The following JADE2 variants were observed in gnomAD, a reference collection of about 807,000 sequenced individuals.
JADE2 encodes E3 ubiquitin-protein ligase Jade-2.
JADE2 carries 13 observed loss-of-function variants against 85.7 expected under a neutral mutation model. That is an observed-to-expected ratio of 0.15 (90% CI 0.10 to 0.24). The LOEUF (loss-of-function observed/expected upper bound fraction) is 0.24. Ranked by LOEUF, JADE2 falls within the 10% of genes least tolerant of loss-of-function variation. JADE2 has a pLI of 1.00. For missense variants in JADE2, 846 were observed against 1,115.9 expected, an observed-to-expected ratio of 0.76 and a Z score of 3.45; for synonymous variants, 440 against 456.1, an observed-to-expected ratio of 0.96 and a Z score of 0.45.
At chr5:134,541,719 A>G (rs1001912375) in intron 3 of JADE2, among the ~76,000 whole-genome samples, 2 of 151,892 alleles carry the variant, frequency 1.3e-5, no homozygotes, top group African/African-American at 4.8e-5. Flanking sequence ...GGGGTGGGGG[A>G]CACAGTGAAT....
At chr5:134,536,056 T>A in intron 2 of JADE2, 141 bp downstream of exon 2, 1 of 732,040 alleles carries the variant, frequency 1.4e-6, no homozygotes, top group Non-Finnish European at 2.3e-6. Context: ...AAGTCAGGTT[T>A]CTCCACTCCT....
At chr5:134,548,498 C>T (rs1366315348) in intron 3 of JADE2, among the ~76,000 whole-genome samples, 4 of 152,216 alleles carry the variant, frequency 2.6e-5, no homozygotes, top group Non-Finnish European at 4.4e-5. Context: ...TCTCTGCAAG[C>T]ATGGGCTGAC....
At chr5:134,544,567 G>A (rs552788340) in intron 3 of JADE2, 2 of 166,610 alleles carry the variant, frequency 1.2e-5, no homozygotes, top group South Asian at 2.1e-4. Flanking sequence ...GGGGAGTGTC[G>A]GGTAAAGCAG....
chr5:134,548,965 A>G (rs1762450562), intron 3 of JADE2, among the ~76,000 whole-genome samples: 1 of 152,194 alleles, frequency 6.6e-6, no homozygotes. Context: ...GCCAGGAGCC[A>G]GCTAGGGGCC....
chr5:134,569,256 A>G (rs1046380522), intron 9 of JADE2, among the ~76,000 whole-genome samples: 2 of 152,134 alleles, frequency 1.3e-5, no homozygotes, highest in Non-Finnish European at 2.9e-5. Context: ...GGTGGGCTCC[A>G]CAGAGGACCA....
At chr5:134,548,483 C>T (rs1222284070) in intron 3 of JADE2, among the ~76,000 whole-genome samples, 4 of 152,210 alleles carry the variant, frequency 2.6e-5, no homozygotes, top group Non-Finnish European at 5.9e-5. Flanking sequence ...TCACTCTGCA[C>T]ACAGTCTCTG....
chr5:134,543,039 CTTT>C (rs60959964), intron 3 of JADE2, among the ~76,000 whole-genome samples: 3 of 141,216 alleles, frequency 2.1e-5, no homozygotes, highest in African/African-American at 7.8e-5. Context: ...TACCTGTACT[CTTT>C]TTTTTTTTTT....
chr5:134,534,297 C>T (rs1761446580), intron 1 of JADE2, among the ~76,000 whole-genome samples: 1 of 152,034 alleles, frequency 6.6e-6, no homozygotes, highest in South Asian at 2.1e-4. Flanking sequence ...CTGTGGAACC[C>T]CCTCCCGCTA....
At chr5:134,546,699 C>T (rs1178079800) in intron 3 of JADE2, among the ~76,000 whole-genome samples, 1 of 148,278 alleles carries the variant, frequency 6.7e-6, no homozygotes. Context: ...ACCTGGGAGG[C>T]GGAGGTTGCA....
chr5:134,560,119 A>G (rs1763237567), intron 5 of JADE2, 129 bp downstream of exon 5: 6 of 1,030,646 alleles, frequency 5.8e-6, no homozygotes, highest in Non-Finnish European at 8.6e-6. Context: ...TCCATACTGC[A>G]TTACTGAATG....
chr5:134,532,179 C>T (rs1054991381), intron 1 of JADE2, among the ~76,000 whole-genome samples: 2 of 151,936 alleles, frequency 1.3e-5, no homozygotes, highest in African/African-American at 2.4e-5. Context: ...GTCACCGCAC[C>T]CCGACTGATT....
chr5:134,526,171 G>T (rs1760798208), intron 1 of JADE2, 160 bp downstream of exon 1: 1 of 985,432 alleles, frequency 1.0e-6, no homozygotes, highest in African/African-American at 1.7e-5. Context: ...CCAGCGCGGA[G>T]AGGGGGGGGA....
intron 3 of JADE2, among the ~76,000 whole-genome samples, chr5:134,542,883 C>T (rs1220051094): frequency 6.6e-6 from 1 of 152,026 alleles, no homozygotes; most frequent in African/African-American, 2.4e-5. Context: ...CCGGCACTTG[C>T]CACCATGCCG....
intron 11 of JADE2, among the ~76,000 whole-genome samples, chr5:134,577,348 CTG>C (rs1764440355): frequency 6.6e-6 from 1 of 152,226 alleles, no homozygotes; most frequent in African/African-American, 2.4e-5. Context: ...GCTGCAGGCT[CTG>C]GCCCTGCCCA....
At position 134,564,478 on chromosome 5, in the gene JADE2, C is replaced by T. The variant is rs749036785; in HGVS notation, c.853-16C>T. On this transcript the variant is annotated splice_polypyrimidine_tract_variant and intron_variant, in intron 7 of 11. Transcript: ENST00000681547. ...GGGGATGAGAGGAATGATGCAGCCC[C>T]CTGTGTCCTGCCCAGGTCAGCATCG... is the stretch of plus-strand genomic sequence containing the variant. The T allele has an allele frequency of 5.8e-6, 9 of 1,549,208 alleles. No individual in the cohort carries two copies. The highest frequency in any genetic ancestry group is 1.4e-5 in the African/African-American group (1 of 73,566).
At chr5:134,541,283 A>G (rs1761948252) in intron 3 of JADE2, among the ~76,000 whole-genome samples, 1 of 152,268 alleles carries the variant, frequency 6.6e-6, no homozygotes, top group Non-Finnish European at 1.5e-5. Context: ...CGTGGCCGGC[A>G]TAAATTCCAA....
intron 3 of JADE2, among the ~76,000 whole-genome samples, chr5:134,545,844 C>T (rs1762267596): frequency 6.6e-6 from 1 of 152,212 alleles, no homozygotes; most frequent in Admixed American, 6.5e-5. Context: ...GAGGTTGGCT[C>T]TTTAAGTACA....
At position 134,579,323 on chromosome 5, in the gene JADE2, CCCCTTCCCTGTCCCAGG is replaced by C; in HGVS notation, c.*11_*27del. 13 of 1,573,866 alleles carry C rather than the reference CCCCTTCCCTGTCCCAGG, an allele frequency of 8.3e-6. No homozygotes were observed. The highest frequency in any genetic ancestry group is 1.0e-5 in the Non-Finnish European group (12 of 1,160,530). ...TGGGCGTACTGGCCTCCTAACTCAC[CCCCTTCCCTGTCCCAGG>C]CCCTGCCCTGGTCCCCCCACAAGGC... On this transcript the variant is annotated 3_prime_UTR_variant, in exon 12 of 12. Coordinates refer to ENST00000681547, the MANE Select transcript of JADE2 (RefSeq NM_001388185.1). The surrounding 1 kb of genome is among the most constrained non-coding windows in gnomAD (Gnocchi z 4.6).
At chr5:134,526,091 C>A (rs929898992) in intron 1 of JADE2, 80 bp downstream of exon 1, 9 of 985,108 alleles carry the variant, frequency 9.1e-6, no homozygotes, top group Non-Finnish European at 1.1e-5. Context: ...TCTGCCAGCG[C>A]TCTTCGCTCC....
Sources: gnomAD v4.1 joint callset for allele counts (sites outside exome capture counted in the v4.1 genomes callset) on GRCh38, gnomAD v4.1.1 for gene constraint, Gnocchi (gnomAD v3.1) non-coding constraint, MANE v1.5 for transcripts, NCBI Gene and HGNC (gene_info 2026-07-23, HGNC 2026-07-21) for gene names.